The following FLT3 variants were observed in gnomAD, a reference collection of about 807,000 sequenced individuals.
FLT3 encodes the protein fms related receptor tyrosine kinase 3, also known as receptor-type tyrosine-protein kinase FLT3.
Under a neutral mutation model 126.6 loss-of-function variants are expected in FLT3, and 46 were observed. That is an observed-to-expected ratio of 0.36 (90% confidence interval 0.29 to 0.46). The LOEUF is 0.46. FLT3 is among the 20% of genes least tolerant of loss of function. The pLI is 1.00. For missense variants in FLT3, 1,069 were observed against 1,190.3 expected (o/e 0.90, Z 1.50); for synonymous variants, 404 against 434.4 (o/e 0.93, Z 0.87).
intron 1 of FLT3, among the ~76,000 whole-genome samples, chr13:28,092,953 G>A (rs7321960): frequency 0.18 from 22,845 of 124,724 alleles, 3,552 homozygotes; most frequent in African/African-American, 0.44. Flanking sequence ...ACAGGGTCTC[G>A]CTCTGTCACC....
intron 20 of FLT3, among the ~76,000 whole-genome samples, chr13:28,018,186 G>GT (rs1265509045): frequency 4.6e-5 from 7 of 152,138 alleles, no homozygotes; most frequent in African/African-American, 1.7e-4. Flanking sequence ...GAGATTTTGG[G>GT]TTTTTTAAAG....
At chr13:28,033,823 TG>T in intron 15 of FLT3, 63 bp downstream of exon 15, 1 of 1,166,738 alleles carries the variant, frequency 8.6e-7, no homozygotes, top group Non-Finnish European at 1.3e-6. Context: ...GAAGAAGGCA[TG>T]GGTGGGAAAC....
At chr13:28,040,773 CA>C (rs1197168103) in intron 9 of FLT3, among the ~76,000 whole-genome samples, 1 of 151,900 alleles carries the variant, frequency 6.6e-6, no homozygotes, top group Non-Finnish European at 1.5e-5. Context: ...GAGGAGGGTG[CA>C]ATACTTGAGC....
chr13:28,035,652 T>A lies in FLT3; in HGVS notation c.1440A>T (p.Glu480Asp). 1 of 1,613,698 alleles carries A rather than the reference T, an allele frequency of 6.2e-7. No individual in the cohort carries two copies. Among genetic ancestry groups the A allele is most frequent in the Non-Finnish European group, 8.5e-7 (1 of 1,179,902 alleles). Reference protein sequence around the residue: ...KSPNCTEEITEGVWNRKANRK... With the variant: ...KSPNCTEEITDGVWNRKANRK... ...TGTTAGCCTTTCTATTCCAGACTCC[T>A]TCTGTGATCTCTTCTGTGCAGCTGA... Residue 480 changes from glutamate to aspartate, a missense_variant, in exon 12 of 24, where the codon GAA becomes GAT. By Grantham distance (45) the Glu-to-Asp change is conservative (BLOSUM62 2). Coordinates refer to ENST00000241453, the MANE Select transcript of FLT3 (RefSeq NM_004119.3).
intron 1 of FLT3, among the ~76,000 whole-genome samples, chr13:28,074,089 A>G (rs980507656): frequency 2.1e-4 from 32 of 152,268 alleles, no homozygotes; most frequent in Admixed American, 1.2e-3. Context: ...GCCACCTCTG[A>G]TCTATTTTCT....
In FLT3 at chr13:28,027,071, C is replaced by A. The variant is rs1467520128; in HGVS notation, c.2207+17G>T. On this transcript the variant is annotated intron_variant, in intron 17 of 23. Coordinates refer to ENST00000241453, the MANE Select transcript of FLT3 (RefSeq NM_004119.3). ...TTCTATGATGTGTAATTACGAAACC[C>A]TGACCCAGCCTCTTACCTGGAATTT... 1 of 1,610,670 alleles carries A rather than the reference C, an allele frequency of 6.2e-7. No individual in the cohort carries two copies.
At chr13:28,022,007 G>A (rs937101371) in intron 19 of FLT3, among the ~76,000 whole-genome samples, 4 of 151,916 alleles carry the variant, frequency 2.6e-5, no homozygotes, top group Non-Finnish European at 5.9e-5. Flanking sequence ...AAAGTGTTGG[G>A]ATTACAGGCG....
chr13:28,079,970 T>G (rs1413574693), intron 1 of FLT3, among the ~76,000 whole-genome samples: 4 of 152,160 alleles, frequency 2.6e-5, no homozygotes. Flanking sequence ...CAATCATGTC[T>G]TGTAGGAACT....
Position 28,050,218 on chromosome 13 carries a change from T to C in FLT3, c.619A>G (p.Lys207Glu). The part of the protein sequence containing the change: ...VLCDSQGESC[K>E]EESPAVVKKE... Reference sequence around the variant, plus strand: ...TTAACAACAGCTGGACTTTCTTCTTTACAGCTGCAATTAGAAAAGAAGTAC... The same window carrying C: ...TTAACAACAGCTGGACTTTCTTCTTCACAGCTGCAATTAGAAAAGAAGTAC... Residue 207 changes from lysine to glutamate, a missense_variant, in exon 6 of 24, where the codon AAA (lysine) becomes GAA (glutamate). Coordinates refer to ENST00000241453, the MANE Select transcript of FLT3 (RefSeq NM_004119.3). 8 of 1,613,964 alleles carry C rather than the reference T, an allele frequency of 5.0e-6. No homozygotes were observed. The highest frequency in any genetic ancestry group is 6.8e-6 in the Non-Finnish European group (8 of 1,179,896).
intron 1 of FLT3, among the ~76,000 whole-genome samples, chr13:28,081,843 T>A (rs1344458853): frequency 7.8e-6 from 1 of 128,298 alleles, no homozygotes; most frequent in African/African-American, 2.8e-5. Context: ...TTACTTTGAT[T>A]CTTTTTTTTT....
At chr13:28,094,942 T>C (rs1461690537) in intron 1 of FLT3, among the ~76,000 whole-genome samples, 1 of 152,182 alleles carries the variant, frequency 6.6e-6, no homozygotes, top group East Asian at 1.9e-4. Context: ...CCATAGAAAG[T>C]ATCAACCAAG....
At chr13:28,084,986 A>G (rs1303643270) in intron 1 of FLT3, among the ~76,000 whole-genome samples, 1 of 150,978 alleles carries the variant, frequency 6.6e-6, no homozygotes, top group Non-Finnish European at 1.5e-5. Context: ...AAAAAAAAAA[A>G]AAAAAAATTC....
At chr13:28,086,540 T>A (rs1448903411) in intron 1 of FLT3, among the ~76,000 whole-genome samples, 3 of 152,160 alleles carry the variant, frequency 2.0e-5, no homozygotes, top group Admixed American at 6.6e-5. Context: ...TCAAATAGTT[T>A]CCATTCCCAC....
intron 9 of FLT3, among the ~76,000 whole-genome samples, chr13:28,046,370 G>A (rs991723607): frequency 2.0e-5 from 3 of 152,038 alleles, no homozygotes; most frequent in Non-Finnish European, 2.9e-5. Context: ...ACACTTAGCG[G>A]AATCAAGGTG....
intron 1 of FLT3, among the ~76,000 whole-genome samples, chr13:28,088,584 C>CT (rs34680883): frequency 0.7 from 72,378 of 103,380 alleles, 27,324 homozygotes; most frequent in Non-Finnish European, 0.8. Flanking sequence ...CATCCAAAAC[C>CT]TTTTTTTTTT....
chr13:28,068,153 T>C (rs1877194812), intron 2 of FLT3: 1 of 153,840 alleles, frequency 6.5e-6, no homozygotes, highest in Non-Finnish European at 1.4e-5. Context: ...AAGGGAGGTA[T>C]AAATGAACCT....
At chr13:28,064,234 C>A (rs1320535) in intron 2 of FLT3, among the ~76,000 whole-genome samples, 151,246 of 152,370 alleles carry the variant, frequency 0.99, 75,069 homozygotes, top group Middle Eastern at 1. Flanking sequence ...ACACAGTAGA[C>A]AACTGGGAAA....
chr13:28,085,140 C>T (rs549472703), intron 1 of FLT3, among the ~76,000 whole-genome samples: 1 of 151,588 alleles, frequency 6.6e-6, no homozygotes, highest in South Asian at 2.1e-4. Flanking sequence ...GAAAGGAGTT[C>T]AAGACCAGCC....
At chr13:28,072,069 T>G (rs1201743240) in intron 1 of FLT3, among the ~76,000 whole-genome samples, 1 of 151,830 alleles carries the variant, frequency 6.6e-6, no homozygotes, top group Non-Finnish European at 1.5e-5. Context: ...GGGTATTAGG[T>G]ATAATTGGCA....
Sources: gnomAD v4.1 joint callset for allele counts (sites outside exome capture counted in the v4.1 genomes callset) on GRCh38, gnomAD v4.1.1 for gene constraint, MANE v1.5 for transcripts, NCBI Gene and HGNC (gene_info 2026-07-23, HGNC 2026-07-21) for gene names.